KCNH5: variants seen among roughly 807,000 people sequenced by gnomAD.
The protein encoded by KCNH5 is potassium voltage-gated channel subfamily H member 5.
KCNH5 carries 46 observed loss-of-function variants against 96.1 expected under a neutral mutation model. The ratio of observed to expected loss-of-function variants is 0.48; its 90% CI spans 0.38 to 0.61. The LOEUF (loss-of-function observed/expected upper bound fraction) is 0.61. Ranked by LOEUF, KCNH5 falls within the 20% of genes least tolerant of loss-of-function variation. The pLI, the probability that KCNH5 is intolerant of heterozygous loss-of-function variation, is 0.00. For synonymous variants in KCNH5, 439 were observed against 449.8 expected (o/e 0.98, Z 0.30); for missense variants, 907 against 1,225.8 (o/e 0.74, Z 3.88).
intron 8 of KCNH5, among the ~76,000 whole-genome samples, chr14:62,826,695 T>C (rs1887235220): frequency 1.3e-5 from 2 of 152,054 alleles, no homozygotes; most frequent in Admixed American, 1.3e-4. Context: ...TTAATCTTTT[T>C]TCCTTACTAA....
At chr14:62,948,035 A>T (rs1042663086) in intron 7 of KCNH5, among the ~76,000 whole-genome samples, 2 of 151,278 alleles carry the variant, frequency 1.3e-5, no homozygotes, top group Admixed American at 6.6e-5. Flanking sequence ...TGTCCATGTA[A>T]TCTCATTGTT....
chr14:62,738,999 C>T (rs1005286066), intron 10 of KCNH5, among the ~76,000 whole-genome samples: 3 of 152,080 alleles, frequency 2.0e-5, no homozygotes, highest in Admixed American at 2.0e-4. Flanking sequence ...GATGTAAGGG[C>T]ATTCCAGACA....
chr14:62,734,269 A>G (rs1210549199), intron 10 of KCNH5, among the ~76,000 whole-genome samples: 1 of 151,844 alleles, frequency 6.6e-6, no homozygotes, highest in Admixed American at 6.6e-5. Flanking sequence ...TATTCTATCC[A>G]CTGCTTAAAC....
intron 7 of KCNH5, among the ~76,000 whole-genome samples, chr14:62,899,588 T>C (rs554659848): frequency 1.3e-5 from 2 of 152,106 alleles, no homozygotes; most frequent in South Asian, 2.1e-4. Flanking sequence ...TCCCAGCACT[T>C]TGGGAGGCCG....
At chr14:62,886,642 C>T (rs1389519244) in intron 7 of KCNH5, among the ~76,000 whole-genome samples, 2 of 152,172 alleles carry the variant, frequency 1.3e-5, no homozygotes, top group East Asian at 3.9e-4. Context: ...AGCTCTTTGT[C>T]TGAAAACTGA....
intron 9 of KCNH5, among the ~76,000 whole-genome samples, chr14:62,799,966 GAAAGAAAAGGAGGAGGAGGAGGA>G (rs1211862886): frequency 1.3e-5 from 2 of 148,332 alleles, no homozygotes; most frequent in Non-Finnish European, 3.0e-5. Context: ...AAGAGGAGGA[GAAAGAAAAGGAGGAGGAGGAGGA>G]GAAGAAGAGG....
chr14:62,869,050 C>T (rs778949885), intron 7 of KCNH5, among the ~76,000 whole-genome samples: 1 of 152,064 alleles, frequency 6.6e-6, no homozygotes, highest in Non-Finnish European at 1.5e-5. Flanking sequence ...TGGTATGTAC[C>T]CAGTAATGGG....
intron 7 of KCNH5, among the ~76,000 whole-genome samples, chr14:62,878,935 A>C (rs775425056): frequency 6.6e-6 from 1 of 152,076 alleles, no homozygotes; most frequent in African/African-American, 2.4e-5. Flanking sequence ...TAATAACTTC[A>C]TTTTAAATTA....
intron 8 of KCNH5, among the ~76,000 whole-genome samples, chr14:62,843,499 C>T (rs531504759): frequency 6.6e-6 from 1 of 150,608 alleles, no homozygotes; most frequent in Non-Finnish European, 1.5e-5. Context: ...GCAGCCTCCT[C>T]CTCCCGGGTT....
chr14:63,045,343 G>C lies in KCNH5; in HGVS notation c.-157C>G. The C allele has an allele frequency of 1.5e-6, 1 of 649,314 alleles. No homozygotes were observed. Among genetic ancestry groups the C allele is most frequent in the Non-Finnish European group, 2.8e-6 (1 of 360,158 alleles). 40.2% of individuals were successfully genotyped at this position (649,314 alleles called of 1,614,324 possible). A position where few individuals can be genotyped will look rare whatever the true frequency, so the allele number is the denominator to read the frequency against. ...ACGGGGTCCCCTGACTGTGTCTCCA[G>C]CCCGACCCGGATGAGCAGCTCTGGG... On this transcript the variant is annotated 5_prime_UTR_variant, in exon 1 of 11. Coordinates refer to ENST00000322893, the MANE Select transcript of KCNH5 (RefSeq NM_139318.5).
At chr14:62,798,399 A>C (rs1040300736) in intron 9 of KCNH5, among the ~76,000 whole-genome samples, 24 of 152,214 alleles carry the variant, frequency 1.6e-4, no homozygotes, top group African/African-American at 5.5e-4. Context: ...TTGTCAAGAC[A>C]TTGAGAAGTA....
chr14:62,875,240 C>G (rs1188079156), intron 7 of KCNH5, among the ~76,000 whole-genome samples: 3 of 150,930 alleles, frequency 2.0e-5, no homozygotes, highest in Non-Finnish European at 4.4e-5. Context: ...TAGGAAGAAT[C>G]AATATCGTGA....
chr14:62,708,466 G>A lies in KCNH5; in HGVS notation c.2020-11C>T, dbSNP rs1427271150. The A allele has an allele frequency of 6.5e-7, 1 of 1,546,362 alleles. No individual in the cohort carries two copies. Among genetic ancestry groups the A allele is most frequent in the East Asian group, 2.3e-5 (1 of 44,334 alleles). ...CTTACGAAAGATGATCTGTGGAACG[G>A]GAGAGATAGTCACAGCCTGATTATA... On this transcript the variant is annotated splice_polypyrimidine_tract_variant and intron_variant, in intron 10 of 10. Transcript: ENST00000322893.
intron 7 of KCNH5, among the ~76,000 whole-genome samples, chr14:62,865,595 G>A (rs1888119267): frequency 6.6e-6 from 1 of 152,142 alleles, no homozygotes; most frequent in Non-Finnish European, 1.5e-5. Context: ...CAGACCTGGA[G>A]GGCCCGGGGG....
At chr14:62,715,089 TTA>T (rs139754014) in intron 10 of KCNH5, among the ~76,000 whole-genome samples, 17,188 of 152,162 alleles carry the variant, frequency 0.11, 1,125 homozygotes, top group East Asian at 0.32. Flanking sequence ...CTTCTTAAAC[TTA>T]ACAGGGAACA....
chr14:62,771,486 A>C (rs190998903), intron 10 of KCNH5, among the ~76,000 whole-genome samples: 1 of 152,056 alleles, frequency 6.6e-6, no homozygotes, highest in Non-Finnish European at 1.5e-5. Flanking sequence ...TTAGCCGGGC[A>C]TGGTGGCAGG....
At chr14:62,776,978 C>T (rs933177061) in intron 10 of KCNH5, among the ~76,000 whole-genome samples, 2 of 152,140 alleles carry the variant, frequency 1.3e-5, no homozygotes, top group Non-Finnish European at 2.9e-5. Flanking sequence ...AAACCTGCTC[C>T]CTTACTTAGT....
chr14:62,984,881 T>G (rs1890675810), intron 5 of KCNH5, among the ~76,000 whole-genome samples: 1 of 152,220 alleles, frequency 6.6e-6, no homozygotes, highest in South Asian at 2.1e-4. Context: ...TCTGAGTGAT[T>G]CTGGGTGCTA....
intron 10 of KCNH5, among the ~76,000 whole-genome samples, chr14:62,735,252 G>C (rs1290109884): frequency 6.6e-6 from 1 of 152,158 alleles, no homozygotes; most frequent in East Asian, 1.9e-4. Flanking sequence ...ATATAAGGGG[G>C]TGACAAGAAT....
Sources: allele counts gnomAD v4.1 joint callset (sites outside exome capture counted in the v4.1 genomes callset), GRCh38; gene constraint gnomAD v4.1.1; transcripts MANE v1.5; gene names NCBI Gene and HGNC (gene_info 2026-07-23, HGNC 2026-07-21).